Variants in IL1RAP observed in about 807,000 individuals in gnomAD.
IL1RAP encodes interleukin 1 receptor accessory protein.
Under a neutral mutation model 60.7 loss-of-function variants are expected in IL1RAP, and 35 were observed. The ratio of observed to expected loss-of-function variants is 0.58; its 90% CI spans 0.44 to 0.76. The LOEUF is 0.76. Ranked by LOEUF, IL1RAP falls within the 30% of genes least tolerant of loss-of-function variation. The pLI, the probability that IL1RAP is intolerant of heterozygous loss-of-function variation, is 0.00. For missense variants in IL1RAP, 572 were observed against 693.9 expected (o/e 0.82, Z 1.97); for synonymous variants, 268 against 250.9 (o/e 1.07, Z -0.64).
intron 2 of IL1RAP, among the ~76,000 whole-genome samples, chr3:190,561,271 A>C (rs2108619049): frequency 6.6e-6 from 1 of 152,302 alleles, no homozygotes; most frequent in Admixed American, 6.5e-5. Flanking sequence ...ATGCTAAATG[A>C]CCCAGCATTC....
intron 2 of IL1RAP, among the ~76,000 whole-genome samples, chr3:190,561,825 C>T (rs926769399): frequency 1.3e-5 from 2 of 152,096 alleles, no homozygotes; most frequent in Admixed American, 6.5e-5. Flanking sequence ...TGTCACAAAG[C>T]TAGGAAGATA....
At chr3:190,655,869 A>G (rs1162601584), downstream of IL1RAP, 10 of 1,506,042 alleles carry the variant, frequency 6.6e-6, no homozygotes, top group East Asian at 1.2e-4. Context: ...ACATTGTCCT[A>G]TATTTCCATT....
At chr3:190,601,420 A>G (rs1233862223) in intron 3 of IL1RAP, among the ~76,000 whole-genome samples, 2 of 152,198 alleles carry the variant, frequency 1.3e-5, no homozygotes, top group Non-Finnish European at 2.9e-5. Context: ...GATTTTTCCA[A>G]TTATTTCTCT....
intron 4 of IL1RAP, among the ~76,000 whole-genome samples, 170 bp from the exon 5 acceptor site, chr3:190,608,825 T>TCAATTC (rs1219785150): frequency 4.9e-4 from 30 of 61,618 alleles, no homozygotes; most frequent in African/African-American, 9.6e-4. Context: ...TATTCTGTGA[T>TCAATTC]GTCAATTCGT....
chr3:190,523,772 C>T lies in IL1RAP; in HGVS notation c.-89+9553C>T, dbSNP rs577617668. 2.5e-4 allele frequency among the ~76,000 whole-genome samples: 38 copies of T among 152,176 alleles called. No homozygotes were observed. The East Asian group carries it at 2.5e-3, about 10-fold the overall frequency. ...TTTTCTTTATCCAGTGTACCAATGACGGGCATTTAGGTTGATTTCATGTCT... is the reference window on the plus strand; with the variant it reads ...TTTTCTTTATCCAGTGTACCAATGATGGGCATTTAGGTTGATTTCATGTCT... On this transcript the variant is annotated intron_variant, in intron 1 of 11. Coordinates refer to ENST00000447382, the MANE Select transcript of IL1RAP (RefSeq NM_002182.4).
exon 12 of IL1RAP, chr3:190,659,375 A>C (rs1337884459): frequency 1.3e-5 from 2 of 152,192 alleles, no homozygotes; most frequent in Admixed American, 1.3e-4. Flanking sequence ...CTTAGTTTTC[A>C]GTATTAGTTA....
intron 7 of IL1RAP, among the ~76,000 whole-genome samples, chr3:190,623,928 C>A (rs1732003892): frequency 1.3e-5 from 2 of 152,282 alleles, no homozygotes; most frequent in African/African-American, 2.4e-5. Context: ...AGCCAAAAAT[C>A]ATTGATAACT....
intron 2 of IL1RAP, among the ~76,000 whole-genome samples, chr3:190,558,089 C>T (rs558072802): frequency 5.9e-5 from 9 of 152,156 alleles, no homozygotes; most frequent in Non-Finnish European, 1.3e-4. Flanking sequence ...GAGATTCATC[C>T]AAGTTATTAT....
At chr3:190,604,469 T>A in intron 4 of IL1RAP, 56 bp downstream of exon 4, 1 of 1,548,008 alleles carries the variant, frequency 6.5e-7, no homozygotes, top group Non-Finnish European at 8.8e-7. Context: ...TGGGCTCTTT[T>A]CCGGATGATC....
At position 190,583,562 on chromosome 3, in the gene IL1RAP, C is replaced by T. The variant is rs138037887; in HGVS notation, c.64+19209C>T. 1.3e-3 allele frequency among the ~76,000 whole-genome samples: 192 copies of T among 152,326 alleles called. 1 individual carries two copies. Among genetic ancestry groups the T allele is most frequent in the African/African-American group, 4.5e-3 (186 of 41,588 alleles). ...GCAGGACTAAAGCTCTCTCTTTGAG[C>T]TCACAATCTAGCAGCAAATTAGCCT... On this transcript the variant is annotated intron_variant, in intron 3 of 11. Transcript: ENST00000447382.
chr3:190,622,264 A>AT (rs1731842860), intron 6 of IL1RAP, among the ~76,000 whole-genome samples: 1 of 151,948 alleles, frequency 6.6e-6, no homozygotes, highest in Non-Finnish European at 1.5e-5. Context: ...AGTATGTTTT[A>AT]TTTTTTTCTT....
At chr3:190,553,739 A>G (rs1401552430) in intron 1 of IL1RAP, among the ~76,000 whole-genome samples, 1 of 152,228 alleles carries the variant, frequency 6.6e-6, no homozygotes, top group South Asian at 2.1e-4. Context: ...CTCTAGCCTC[A>G]GAAGTCTGAG....
At chr3:190,612,471 A>T (rs1271103090) in intron 5 of IL1RAP, among the ~76,000 whole-genome samples, 1 of 152,082 alleles carries the variant, frequency 6.6e-6, no homozygotes, top group Non-Finnish European at 1.5e-5. Context: ...TTTAGAACAG[A>T]CCAAATTGTA....
intron 1 of IL1RAP, among the ~76,000 whole-genome samples, chr3:190,532,010 T>C (rs1723024506): frequency 7.8e-6 from 1 of 128,162 alleles, no homozygotes; most frequent in Non-Finnish European, 1.6e-5. Context: ...CTCAGAGGAA[T>C]ATGTTGTGTT....
intron 9 of IL1RAP, among the ~76,000 whole-genome samples, chr3:190,636,971 T>G (rs2108838547): frequency 6.6e-6 from 1 of 152,258 alleles, no homozygotes; most frequent in South Asian, 2.1e-4. Flanking sequence ...TTTTGTTTCC[T>G]CTAGAGTTTA....
intron 7 of IL1RAP, among the ~76,000 whole-genome samples, chr3:190,624,200 C>T (rs1346734840): frequency 6.6e-6 from 1 of 152,144 alleles, no homozygotes; most frequent in Non-Finnish European, 1.5e-5. Flanking sequence ...CATAGCCATA[C>T]CCAGAAAGCA....
intron 1 of IL1RAP, among the ~76,000 whole-genome samples, chr3:190,542,590 A>G (rs1034265278): frequency 3.9e-5 from 6 of 152,132 alleles, no homozygotes; most frequent in Admixed American, 1.3e-4. Context: ...TAATTTTTCT[A>G]GGGTTCTCTC....
At chr3:190,615,401 T>G in intron 5 of IL1RAP, 1 of 777,998 alleles carries the variant, frequency 1.3e-6, no homozygotes, top group South Asian at 1.4e-5. Context: ...TGAGATTAAT[T>G]TAGAGTCTTT....
intron 1 of IL1RAP, among the ~76,000 whole-genome samples, chr3:190,536,930 T>G (rs1723518107): frequency 6.6e-6 from 1 of 152,152 alleles, no homozygotes; most frequent in Non-Finnish European, 1.5e-5. Flanking sequence ...AGTCTGAGTC[T>G]AGTAGTTATA....
Sources: allele counts gnomAD v4.1 joint callset (sites outside exome capture counted in the v4.1 genomes callset), GRCh38; gene constraint gnomAD v4.1.1; transcripts MANE v1.5; gene names NCBI Gene and HGNC (gene_info 2026-07-23, HGNC 2026-07-21).